MBTD1: variants seen among roughly 807,000 people sequenced by gnomAD.
MBTD1 encodes MBT domain-containing protein 1.
In MBTD1, 24 loss-of-function variants were observed where a neutral mutation model predicts 87.8. The ratio of observed to expected loss-of-function variants is 0.27; its 90% CI spans 0.20 to 0.38. The LOEUF (loss-of-function observed/expected upper bound fraction) is 0.38. Among genes scored for constraint, MBTD1 ranks in the 10% least tolerant of loss-of-function variants. The pLI is 1.00. For missense variants in MBTD1, 436 were observed against 760.2 expected (o/e 0.57, Z 5.02); for synonymous variants, 237 against 248.6 (o/e 0.95, Z 0.44).
chr17:51,195,199 A>G lies in MBTD1; in HGVS notation c.1372+15T>C. The G allele has an allele frequency of 6.2e-7, 1 of 1,604,082 alleles. No individual in the cohort carries two copies. The highest frequency in any genetic ancestry group is 8.5e-7 in the Non-Finnish European group (1 of 1,176,362). On this transcript the variant is annotated intron_variant, in intron 13 of 16. Transcript: ENST00000586178. ...GCAACAATTAAAACCCAGTGTTTAT[A>G]TTAGGATGAAGTACCTCTGGGTGGA...
chr17:51,251,489 T>G (rs1598439316), intron 2 of MBTD1: 2 of 152,208 alleles, frequency 1.3e-5, no homozygotes, highest in African/African-American at 4.8e-5. Context: ...TCCAAACCTA[T>G]GATCAATGTT....
At chr17:51,190,790 A>G (rs2050772050) in intron 16 of MBTD1, among the ~76,000 whole-genome samples, 1 of 142,818 alleles carries the variant, frequency 7.0e-6, no homozygotes, top group Admixed American at 7.0e-5. Context: ...TAAGAATGAA[A>G]TGAAATATGG....
At chr17:51,242,125 A>C (rs966874523) in intron 2 of MBTD1, among the ~76,000 whole-genome samples, 1 of 152,252 alleles carries the variant, frequency 6.6e-6, no homozygotes, top group Non-Finnish European at 1.5e-5. Context: ...TGATATAAGA[A>C]ATAAAGATCT....
intron 2 of MBTD1, among the ~76,000 whole-genome samples, chr17:51,255,684 C>A (rs1202241922): frequency 6.6e-6 from 1 of 150,860 alleles, no homozygotes; most frequent in African/African-American, 2.4e-5. Flanking sequence ...CAACCTGGGT[C>A]TCCCACCAGA....
chr17:51,191,986 C>G (rs2050839609), intron 16 of MBTD1: 1 of 554,392 alleles, frequency 1.8e-6, no homozygotes, highest in Non-Finnish European at 3.2e-6. Context: ...ACCACGTATA[C>G]TTTAAATACT....
intron 2 of MBTD1, chr17:51,249,674 T>C (rs1330968705): frequency 3.3e-5 from 5 of 152,196 alleles, no homozygotes; most frequent in African/African-American, 4.8e-5. Context: ...TTATGTACTG[T>C]ATACTTTTTT....
chr17:51,219,630 G>A (rs1486599963), intron 4 of MBTD1, among the ~76,000 whole-genome samples: 1 of 152,056 alleles, frequency 6.6e-6, no homozygotes, highest in Non-Finnish European at 1.5e-5. Context: ...TAATTTGGAG[G>A]ATTTAAATAA....
At position 51,179,748 on chromosome 17, in the gene MBTD1, C is replaced by T. The variant is rs1399509916; in HGVS notation, c.*828G>A. The T allele has an allele frequency of 1.3e-5, 2 of 151,290 alleles. No individual in the cohort carries two copies. The highest frequency in any genetic ancestry group is 4.9e-5 in the African/African-American group (2 of 41,174). 9.4% of individuals were successfully genotyped at this position (151,290 alleles called of 1,614,324 possible). ...TAGAGGGAAATGGCAGAGAACTGAT[C>T]AGAATCCCTTTCGTGGGGTATTTTT... On this transcript the variant is annotated 3_prime_UTR_variant, in exon 17 of 17. Transcript: ENST00000586178.
At chr17:51,180,804 CTTCAG>C (rs1224801606) in intron 16 of MBTD1, 110 bp from the exon 17 acceptor site, 6 of 674,242 alleles carry the variant, frequency 8.9e-6, no homozygotes, top group South Asian at 6.7e-5. Context: ...TTCTTCATTT[CTTCAG>C]TTAATTTTAA....
At chr17:51,244,393 A>G (rs1444294579) in intron 2 of MBTD1, among the ~76,000 whole-genome samples, 1 of 152,126 alleles carries the variant, frequency 6.6e-6, no homozygotes, top group Non-Finnish European at 1.5e-5. Flanking sequence ...ATGTGGCCAC[A>G]ATGATGTCCC....
At chr17:51,256,597 C>T (rs1181305562) in intron 2 of MBTD1, 4 of 152,166 alleles carry the variant, frequency 2.6e-5, no homozygotes, top group Non-Finnish European at 5.9e-5. Context: ...AAACAGTGTT[C>T]TATGTGTGTA....
intron 4 of MBTD1, 132 bp downstream of exon 4, chr17:51,220,198 T>A: frequency 1.2e-6 from 1 of 812,576 alleles, no homozygotes; most frequent in Non-Finnish European, 1.8e-6. Context: ...CTCACATGTT[T>A]CCTCAAGATG....
intron 2 of MBTD1, among the ~76,000 whole-genome samples, chr17:51,236,826 T>G (rs1398594353): frequency 6.6e-6 from 1 of 152,162 alleles, no homozygotes; most frequent in African/African-American, 2.4e-5. Context: ...GACATTCATA[T>G]GCCAAAATAC....
intron 12 of MBTD1, among the ~76,000 whole-genome samples, chr17:51,198,904 G>T (rs2051297289): frequency 6.6e-6 from 1 of 152,188 alleles, no homozygotes; most frequent in African/African-American, 2.4e-5. Context: ...CCAGGTTCAA[G>T]TGATTCTCTT....
chr17:51,186,899 A>T (rs929079628), intron 16 of MBTD1, among the ~76,000 whole-genome samples: 1 of 152,178 alleles, frequency 6.6e-6, no homozygotes, highest in African/African-American at 2.4e-5. Context: ...GTCTTAAAAC[A>T]CTACTTTTAG....
intron 6 of MBTD1, among the ~76,000 whole-genome samples, chr17:51,214,291 TG>T (rs1334925268): frequency 9.2e-5 from 14 of 152,066 alleles, no homozygotes; most frequent in Non-Finnish European, 1.8e-4. Flanking sequence ...AAATGTCAAT[TG>T]GGGCTTGATT....
rs545416725 is a variant in MBTD1, at chr17:51,178,685, G to A, written c.*1891C>T. 1 of 152,224 alleles carries A rather than the reference G, an allele frequency of 6.6e-6. No homozygotes were observed. Among genetic ancestry groups the A allele is most frequent in the African/African-American group, 2.4e-5 (1 of 41,466 alleles). 9.4% of individuals were successfully genotyped at this position (152,224 alleles called of 1,614,324 possible). On this transcript the variant is annotated 3_prime_UTR_variant, in exon 17 of 17. Coordinates refer to ENST00000586178, the MANE Select transcript of MBTD1 (RefSeq NM_017643.3). ...TTTTTCAAAGTTAAAGATATGGGAA[G>A]TGTGAGGATGTCACATTTACAGTAG...
At chr17:51,207,323 G>T (rs2051901677) in intron 6 of MBTD1, among the ~76,000 whole-genome samples, 2 of 152,136 alleles carry the variant, frequency 1.3e-5, no homozygotes, top group South Asian at 4.1e-4. Context: ...ACTGATTTAA[G>T]AAATTTTTAA....
chr17:51,239,634 A>T (rs917932133), intron 2 of MBTD1, among the ~76,000 whole-genome samples: 1 of 152,142 alleles, frequency 6.6e-6, no homozygotes, highest in African/African-American at 2.4e-5. Context: ...CTTTTTTTGT[A>T]GGAGGCTAGC....
Sources: allele counts gnomAD v4.1 joint callset (sites outside exome capture counted in the v4.1 genomes callset), GRCh38; gene constraint gnomAD v4.1.1; transcripts MANE v1.5; gene names NCBI Gene and HGNC (gene_info 2026-07-23, HGNC 2026-07-21).